Variants in ZC3H3 observed in about 807,000 individuals in gnomAD.
ZC3H3 encodes zinc finger CCCH-type containing 3.
A neutral mutation model predicts 77.3 loss-of-function variants in ZC3H3; 36 were observed. That is an observed-to-expected ratio of 0.47 (90% CI 0.36 to 0.61). The LOEUF (loss-of-function observed/expected upper bound fraction) is 0.61. Ranked by LOEUF, ZC3H3 falls within the 20% of genes least tolerant of loss-of-function variation. The pLI is 0.00. For synonymous variants in ZC3H3, 626 were observed against 555.2 expected, an observed-to-expected ratio of 1.13 and a Z score of -1.79; for missense variants, 1,331 against 1,312.2, an observed-to-expected ratio of 1.01 and a Z score of -0.22.
chr8:143,497,112 T>C (rs1275014103), intron 4 of ZC3H3, among the ~76,000 whole-genome samples: 1 of 152,210 alleles, frequency 6.6e-6, no homozygotes, highest in Non-Finnish European at 1.5e-5. Flanking sequence ...AGTAAGGAAG[T>C]CCTGGGTGGT....
chr8:143,532,230 A>ATCAG (rs33991923), intron 3 of ZC3H3, among the ~76,000 whole-genome samples: 1 of 1,682 alleles, frequency 5.9e-4, no homozygotes, highest in Non-Finnish European at 7.1e-3. Flanking sequence ...AAATTACGCG[A>ATCAG]TTACCAAAAA....
chr8:143,530,567 T>G lies in ZC3H3; in HGVS notation c.1561+5690A>C, dbSNP rs530660682. Among the ~76,000 whole-genome samples the G allele has an allele frequency of 1.6e-4, 24 of 150,808 alleles. 1 individual carries two copies. In the East Asian group the frequency reaches 4.5e-3, roughly 28 times the overall value. The stretch of plus-strand genomic sequence containing the variant: ...CCCTCACTCCTGGCCTGGCCTGGAG[T>G]GTACAGCCTGGACAGCATCCCTCTG... On this transcript the variant is annotated intron_variant, in intron 3 of 11. Coordinates refer to ENST00000262577, the MANE Select transcript of ZC3H3 (RefSeq NM_015117.3). This position sits in a 1 kb window ranked among gnomAD's most constrained non-coding sequence, Gnocchi z 4.3.
At chr8:143,465,678 C>T in intron 9 of ZC3H3, 39 bp downstream of exon 9, 1 of 1,609,312 alleles carries the variant, frequency 6.2e-7, no homozygotes, top group Non-Finnish European at 8.5e-7. Context: ...CAACAAGCCA[C>T]AGGAACCCCG....
Position 143,538,303 on chromosome 8 carries a change from G to C in ZC3H3, c.1064C>G (p.Ala355Gly), listed in dbSNP as rs776771184. The C allele has an allele frequency of 6.2e-7, 1 of 1,612,960 alleles. No individual in the cohort carries two copies. The highest frequency in any genetic ancestry group is 8.5e-7 in the Non-Finnish European group (1 of 1,180,020). Residue 355 changes from alanine to glycine, a missense_variant, in exon 2 of 12, where the codon GCT (alanine) becomes GGT (glycine). Coordinates refer to ENST00000262577, the MANE Select transcript of ZC3H3 (RefSeq NM_015117.3). Reference protein sequence around the residue: ...ANKVEKPQLIADPEPKPRKPA... With the variant: ...ANKVEKPQLIGDPEPKPRKPA... ...CTTCCTGGGCTTGGGCTCTGGGTCA[G>C]CTATGAGCTGCGGCTTCTCCACCTT...
intron 4 of ZC3H3, among the ~76,000 whole-genome samples, chr8:143,501,913 C>T (rs988612694): frequency 6.6e-6 from 1 of 152,246 alleles, no homozygotes; most frequent in Admixed American, 6.5e-5. Flanking sequence ...CCTCGAAACC[C>T]GATGCTGAAG....
Position 143,522,923 on chromosome 8 carries a change from A to AT in ZC3H3, c.1561+13333_1561+13334insA, listed in dbSNP as rs970388988. 3.5e-4 allele frequency among the ~76,000 whole-genome samples: 51 copies of AT among 147,244 alleles called. 1 individual carries two copies. The South Asian group carries it at 4.5e-3, about 13-fold the overall frequency. On this transcript the variant is annotated intron_variant, in intron 3 of 11. Transcript: ENST00000262577. Reference sequence around the variant, plus strand: ...TGACAGAGCAAGACCCTGTCTCAAAAAAATATATATATATATTGCCCTTTG... The same window carrying AT: ...TGACAGAGCAAGACCCTGTCTCAAAATAAATATATATATATATTGCCCTTTG...
intron 8 of ZC3H3, among the ~76,000 whole-genome samples, chr8:143,466,647 C>T (rs576043116): frequency 2.0e-5 from 3 of 152,290 alleles, no homozygotes; most frequent in Admixed American, 6.5e-5. Flanking sequence ...TGGGCCACCA[C>T]GGGCTCTTCC....
In ZC3H3 at chr8:143,475,420, G is replaced by A. The variant is rs1820704858; in HGVS notation, c.1881C>T (p.Gly627=). 6.2e-7 allele frequency: 1 copy of A among 1,613,054 alleles called. No individual in the cohort carries two copies. The highest frequency in any genetic ancestry group is 8.5e-7 in the Non-Finnish European group (1 of 1,179,882). ...CACCTGTGCGCAGGAGGGGCCTGCT[G>A]CCCGCATCACTGGGCTGGCCGGAGG... ...SKTSGQPSDA[G]SRPLLRTGRL... Residue 627 remains glycine (G), a synonymous_variant, in exon 5 of 12, where the codon GGC becomes GGT. Transcript: ENST00000262577.
intron 9 of ZC3H3, among the ~76,000 whole-genome samples, chr8:143,447,425 G>C (rs370867297): frequency 6.6e-5 from 10 of 152,222 alleles, no homozygotes; most frequent in African/African-American, 2.4e-4. Flanking sequence ...ATGGAATGTA[G>C]TATCTTGGAA....
chr8:143,517,299 G>A (rs940210152), intron 3 of ZC3H3, among the ~76,000 whole-genome samples: 2 of 152,212 alleles, frequency 1.3e-5, no homozygotes, highest in African/African-American at 4.8e-5. Context: ...CAGGTGCAGG[G>A]GAAGGGAGGG....
At chr8:143,442,908 A>G (rs1819783053) in intron 9 of ZC3H3, among the ~76,000 whole-genome samples, 1 of 152,206 alleles carries the variant, frequency 6.6e-6, no homozygotes, top group East Asian at 1.9e-4. Flanking sequence ...CAAATGACTC[A>G]TCCATGTCTG....
rs865929077 is a variant in ZC3H3 at position 143,461,165 on chromosome 8, C to T, written c.2307+4552G>A. On this transcript the variant is annotated intron_variant, in intron 9 of 11. Coordinates refer to ENST00000262577, the MANE Select transcript of ZC3H3 (RefSeq NM_015117.3). ...ATACCAAAAACTATTGAATTGTACA[C>T]TAAAATGGGTGAATTATGTGGTACG... 4.6e-5 allele frequency among the ~76,000 whole-genome samples: 7 copies of T among 152,260 alleles called. No homozygotes were observed. In the South Asian group the frequency reaches 1.0e-3, roughly 23 times the overall value.
chr8:143,482,665 G>A (rs926035550), intron 4 of ZC3H3, among the ~76,000 whole-genome samples: 4 of 152,202 alleles, frequency 2.6e-5, no homozygotes, highest in Admixed American at 1.3e-4. Context: ...AGGGAGCAGC[G>A]GGGCTCAAGG....
chr8:143,507,141 G>C (rs901620633), intron 4 of ZC3H3, among the ~76,000 whole-genome samples: 1 of 152,258 alleles, frequency 6.6e-6, no homozygotes, highest in African/African-American at 2.4e-5. Flanking sequence ...CAGAGGCTGA[G>C]CAACCTTGAC....
chr8:143,478,987 C>G (rs1256298860), intron 4 of ZC3H3, among the ~76,000 whole-genome samples: 3 of 152,230 alleles, frequency 2.0e-5, no homozygotes, highest in Non-Finnish European at 4.4e-5. Context: ...GCTCTTCATG[C>G]TTGGGAATGT....
At position 143,529,250 on chromosome 8, in the gene ZC3H3, G is replaced by A. The variant is rs149004103; in HGVS notation, c.1561+7007C>T. On this transcript the variant is annotated intron_variant, in intron 3 of 11. Coordinates refer to ENST00000262577, the MANE Select transcript of ZC3H3 (RefSeq NM_015117.3). The stretch of plus-strand genomic sequence containing the variant: ...GCTGCGCTGGTCACCGGGAGAAGCC[G>A]CTGGGGACAGAGGGACAGAGGGGTA... Among the ~76,000 whole-genome samples the A allele has an allele frequency of 4.0e-4, 59 of 147,144 alleles. 2 individuals are homozygous for A. The East Asian group carries it at 8.5e-3, about 21-fold the overall frequency.
intron 9 of ZC3H3, among the ~76,000 whole-genome samples, chr8:143,450,434 G>A (rs1043057472): frequency 1.3e-5 from 2 of 152,196 alleles, no homozygotes; most frequent in Non-Finnish European, 2.9e-5. Flanking sequence ...ACCCACCTCG[G>A]CCTTCCAAAG....
chr8:143,459,615 T>C (rs1820205495), intron 9 of ZC3H3, among the ~76,000 whole-genome samples: 4 of 152,122 alleles, frequency 2.6e-5, no homozygotes, highest in Non-Finnish European at 1.5e-5. Context: ...GATGGTTTCA[T>C]ACACAAAAAT....
intron 4 of ZC3H3, among the ~76,000 whole-genome samples, chr8:143,479,029 G>T (rs558815794): frequency 6.6e-6 from 1 of 152,212 alleles, no homozygotes; most frequent in African/African-American, 2.4e-5. Context: ...CATAGCCTGG[G>T]AGCCCAGGGC....
Sources: allele counts gnomAD v4.1 joint callset (sites outside exome capture counted in the v4.1 genomes callset), GRCh38; gene constraint gnomAD v4.1.1; non-coding constraint Gnocchi (gnomAD v3.1); transcripts MANE v1.5; gene names NCBI Gene and HGNC (gene_info 2026-07-23, HGNC 2026-07-21).